BET1: variants seen among roughly 807,000 people sequenced by gnomAD.
BET1 encodes BET1 homolog.
A neutral mutation model predicts 13.9 loss-of-function variants in BET1; 9 were observed. That is an observed-to-expected ratio of 0.65 (90% CI 0.39 to 1.13). The LOEUF (loss-of-function observed/expected upper bound fraction) is 1.13, where lower values mean the gene tolerates loss of function less well. Ranked by LOEUF, BET1 falls within the 50% of genes most tolerant of loss-of-function variation. The pLI is 0.01. For missense variants in BET1, 127 were observed against 133.6 expected (o/e 0.95, Z 0.24); for synonymous variants, 39 against 47.3 (o/e 0.82, Z 0.72).
At position 93,993,319 on chromosome 7, in the gene BET1, T is replaced by C; in HGVS notation, c.*911A>G. ...AATGGATAAATTCCAAAATACAGAA[T>C]ATTTAACAATATTTAATATTTTTTA... On this transcript the variant is annotated 3_prime_UTR_variant, in exon 4 of 4. Coordinates refer to ENST00000222547, the MANE Select transcript of BET1 (RefSeq NM_005868.6). The C allele has an allele frequency of 2.1e-6, 2 of 934,768 alleles. No individual in the cohort carries two copies. The highest frequency in any genetic ancestry group is 2.6e-6 in the Non-Finnish European group (2 of 783,800). 57.9% of individuals were successfully genotyped at this position (934,768 alleles called of 1,614,324 possible).
chr7:93,980,582 C>G (rs1163985064), intron 4 of BET1, among the ~76,000 whole-genome samples: 1 of 152,100 alleles, frequency 6.6e-6, no homozygotes, highest in East Asian at 1.9e-4. Context: ...TCCATAATAA[C>G]TCTCAAAGAA....
intron 2 of BET1, among the ~76,000 whole-genome samples, chr7:93,997,281 A>G (rs1176522589): frequency 6.6e-6 from 1 of 152,220 alleles, no homozygotes; most frequent in Admixed American, 6.5e-5. Flanking sequence ...CTAGAATTCT[A>G]TAGATCAGAA....
chr7:93,966,230 C>T (rs933675140), intron 6 of BET1, among the ~76,000 whole-genome samples: 1 of 151,966 alleles, frequency 6.6e-6, no homozygotes, highest in Non-Finnish European at 1.5e-5. Context: ...TGGGATGCTT[C>T]TCAACTCTTC....
chr7:93,963,751 G>A (rs1019093970), exon 7 of BET1: 1 of 151,912 alleles, frequency 6.6e-6, no homozygotes, highest in African/African-American at 2.4e-5. Context: ...TACTTTATTT[G>A]TTTCTGTTGC....
At chr7:93,988,823 T>C (rs1007815284), downstream of BET1, among the ~76,000 whole-genome samples, 2 of 151,526 alleles carry the variant, frequency 1.3e-5, no homozygotes, top group Admixed American at 6.6e-5. Context: ...TCTCCTTCCT[T>C]CCTTTTCATT....
intron 2 of BET1, 47 bp downstream of exon 2, chr7:93,999,123 T>G (rs371303822): frequency 2.2e-6 from 3 of 1,373,820 alleles, no homozygotes; most frequent in Non-Finnish European, 3.0e-6. Context: ...ATTATATGTA[T>G]AGAAATATAT....
At chr7:93,975,375 T>C (rs1186561807) in intron 5 of BET1, among the ~76,000 whole-genome samples, 1 of 152,086 alleles carries the variant, frequency 6.6e-6, no homozygotes, top group Non-Finnish European at 1.5e-5. Context: ...TACTAGAATA[T>C]TGAGAATAGC....
intron 2 of BET1, among the ~76,000 whole-genome samples, chr7:93,998,086 G>A (rs1317923901): frequency 6.6e-6 from 1 of 152,102 alleles, no homozygotes; most frequent in East Asian, 1.9e-4. Context: ...GTGTGATATG[G>A]GGGTGGGAAA....
At chr7:93,982,110 A>C (rs913549413) in intron 4 of BET1, among the ~76,000 whole-genome samples, 2 of 152,140 alleles carry the variant, frequency 1.3e-5, no homozygotes, top group Non-Finnish European at 2.9e-5. Context: ...GCTATGTCAT[A>C]ATCTGCTAAA....
chr7:93,976,868 A>T (rs775595192), intron 4 of BET1, among the ~76,000 whole-genome samples: 49 of 151,960 alleles, frequency 3.2e-4, no homozygotes, highest in African/African-American at 1.2e-3. Context: ...CCGTTATATC[A>T]TTCTTATGCC....
At chr7:93,976,427 T>C (rs1347898529) in intron 4 of BET1, among the ~76,000 whole-genome samples, 1 of 151,982 alleles carries the variant, frequency 6.6e-6, no homozygotes, top group East Asian at 1.9e-4. Flanking sequence ...TAAAATGAAG[T>C]ACATGTACTC....
intron 2 of BET1, 69 bp from the exon 3 acceptor site, chr7:93,996,390 T>C: frequency 1.7e-6 from 2 of 1,155,560 alleles, no homozygotes; most frequent in Non-Finnish European, 2.4e-6. Context: ...GTAAAAATAA[T>C]GTCATTCTAA....
chr7:93,999,230 A>C lies in BET1; in HGVS notation c.84T>G (p.Cys28Trp), dbSNP rs11551305. The change falls in exon 2 of 4, where the codon TGT (cysteine) becomes TGG (tryptophan). Residue 28 changes from cysteine to tryptophan, a missense_variant. Cys to Trp is a radical substitution (Grantham distance 215). Coordinates refer to ENST00000222547, the MANE Select transcript of BET1 (RefSeq NM_005868.6). ...CAGTGAGCCTCTCATTTTCTTCTTC[A>C]CAGGCACTATACCCACTATTAGCAT... ...YGYANSGYSA[C>W]EEENERLTES... The C allele has an allele frequency of 1.2e-6, 2 of 1,613,180 alleles. No homozygotes were observed. Among genetic ancestry groups the C allele is most frequent in the Admixed American group, 1.7e-5 (1 of 59,958 alleles).
chr7:93,963,538 A>G (rs188814637), exon 7 of BET1: 6 of 152,240 alleles, frequency 3.9e-5, no homozygotes, highest in African/African-American at 1.4e-4. Context: ...TTAATTGACT[A>G]CTATATCTGC....
chr7:93,994,508 A>G (rs1795718825), intron 3 of BET1, 123 bp from the exon 4 acceptor site: 13 of 1,077,308 alleles, frequency 1.2e-5, no homozygotes, highest in Middle Eastern at 5.2e-4. Flanking sequence ...TGTTTAATCA[A>G]TTCAGGAGCC....
chr7:93,963,823 T>A (rs1795134710), exon 7 of BET1: 1 of 151,976 alleles, frequency 6.6e-6, no homozygotes, highest in South Asian at 2.1e-4. Flanking sequence ...ACATACTTTT[T>A]AAAAACAATT....
In BET1 at chr7:93,979,772, A is replaced by G. The variant is rs532005715; in HGVS notation, c.236-3672T>C. 7.3e-5 allele frequency among the ~76,000 whole-genome samples: 11 copies of G among 151,602 alleles called. No individual in the cohort carries two copies. In the East Asian group the frequency reaches 1.9e-3, roughly 27 times the overall value. The stretch of plus-strand genomic sequence containing the variant: ...GACTGGATCATATATCCAATGTTCT[A>G]ATTCTTCTGAGGGTTGCTCAGGGAA... On this transcript the variant is annotated intron_variant and NMD_transcript_variant, in intron 4 of 6. Coordinates refer to the BET1 transcript ENST00000357520.
intron 4 of BET1, among the ~76,000 whole-genome samples, chr7:93,978,022 TC>T (rs903638680): frequency 1.3e-4 from 20 of 151,966 alleles, no homozygotes; most frequent in African/African-American, 4.8e-4. Context: ...ACTTAAACTC[TC>T]TGTCCTAGAC....
At chr7:93,997,596 G>C (rs75061034) in intron 2 of BET1, among the ~76,000 whole-genome samples, 1 of 152,044 alleles carries the variant, frequency 6.6e-6, no homozygotes, top group African/African-American at 2.4e-5. Context: ...AAATCTAAAG[G>C]TCTCCAGACT....
Sources: allele counts gnomAD v4.1 joint callset (sites outside exome capture counted in the v4.1 genomes callset), GRCh38; gene constraint gnomAD v4.1.1; transcripts MANE v1.5; gene names NCBI Gene and HGNC (gene_info 2026-07-23, HGNC 2026-07-21).